NAALADL2: variants seen among roughly 807,000 people sequenced by gnomAD.
NAALADL2 encodes inactive N-acetylated-alpha-linked acidic dipeptidase-like protein 2.
NAALADL2 carries 76 observed loss-of-function variants against 87.2 expected under a neutral mutation model. That is an observed-to-expected ratio of 0.87 (90% CI 0.72 to 1.05). The LOEUF (loss-of-function observed/expected upper bound fraction) is 1.05, where lower values mean the gene tolerates loss of function less well. Ranked by LOEUF, NAALADL2 falls within the 50% of genes least tolerant of loss-of-function variation. The pLI is 0.00. For synonymous variants in NAALADL2, 354 were observed against 331.0 expected, an observed-to-expected ratio of 1.07 and a Z score of -0.75; for missense variants, 1,089 against 945.8, an observed-to-expected ratio of 1.15 and a Z score of -1.99.
At chr3:175,345,083 ACAAT>A (rs1370761672) in intron 5 of NAALADL2, among the ~76,000 whole-genome samples, 1 of 63,098 alleles carries the variant, frequency 1.6e-5, no homozygotes, top group Non-Finnish European at 3.2e-5. Flanking sequence ...ATCTTATTGT[ACAAT>A]CAAAGTAGGC....
intron 2 of NAALADL2, among the ~76,000 whole-genome samples, chr3:175,136,777 G>A (rs183622750): frequency 2.0e-5 from 3 of 152,256 alleles, no homozygotes; most frequent in East Asian, 3.9e-4. Context: ...ACTTTAAAGA[G>A]TCTAGTGTGA....
intron 2 of NAALADL2, among the ~76,000 whole-genome samples, chr3:174,580,493 T>C (rs898888940): frequency 6.6e-6 from 1 of 152,042 alleles, no homozygotes; most frequent in Non-Finnish European, 1.5e-5. Flanking sequence ...CATTTGAAAT[T>C]CTCACTAAAA....
intron 5 of NAALADL2, among the ~76,000 whole-genome samples, chr3:175,396,341 A>G (rs1434160978): frequency 6.6e-6 from 1 of 152,202 alleles, no homozygotes; most frequent in Non-Finnish European, 1.5e-5. Context: ...ATTAAAAATT[A>G]AAACCATATT....
chr3:175,094,525 C>T (rs749211226), intron 1 of NAALADL2, among the ~76,000 whole-genome samples: 30 of 152,012 alleles, frequency 2.0e-4, no homozygotes, highest in African/African-American at 6.0e-4. Flanking sequence ...CTATCATTAA[C>T]GTCATACGTT....
chr3:175,397,472 G>T (rs952729799), intron 5 of NAALADL2: 1 of 152,112 alleles, frequency 6.6e-6, no homozygotes, highest in Non-Finnish European at 1.5e-5. Flanking sequence ...GCACAATAAG[G>T]TCACAGCTTC....
chr3:174,941,535 G>A (rs1036375706), intron 1 of NAALADL2, among the ~76,000 whole-genome samples: 2 of 151,870 alleles, frequency 1.3e-5, no homozygotes, highest in Non-Finnish European at 2.9e-5. Context: ...TAGTGAGTTC[G>A]GGTCCTGAAT....
intron 1 of NAALADL2, among the ~76,000 whole-genome samples, chr3:174,887,778 A>C (rs1335470983): frequency 6.6e-6 from 1 of 152,038 alleles, no homozygotes; most frequent in Non-Finnish European, 1.5e-5. Flanking sequence ...CTTGGGCAAC[A>C]GAGCGATACC....
intron 11 of NAALADL2, among the ~76,000 whole-genome samples, chr3:175,712,725 C>G (rs1740698702): frequency 6.6e-6 from 1 of 152,034 alleles, no homozygotes; most frequent in African/African-American, 2.4e-5. Context: ...TCCATCAAGA[C>G]CTTGATTTTG....
chr3:174,892,844 C>T (rs1468077480), intron 1 of NAALADL2, among the ~76,000 whole-genome samples: 1 of 149,798 alleles, frequency 6.7e-6, no homozygotes, highest in Non-Finnish European at 1.5e-5. Context: ...CTCACTTGAA[C>T]CTGAGAGGTG....
intron 11 of NAALADL2, among the ~76,000 whole-genome samples, chr3:175,646,338 C>A (rs1729999106): frequency 6.6e-6 from 1 of 151,962 alleles, no homozygotes; most frequent in Non-Finnish European, 1.5e-5. Flanking sequence ...TATCATTACA[C>A]TTAACAGAAT....
intron 9 of NAALADL2, among the ~76,000 whole-genome samples, chr3:175,490,153 G>A (rs891252614): frequency 3.3e-5 from 5 of 152,120 alleles, no homozygotes; most frequent in African/African-American, 1.2e-4. Flanking sequence ...GGAAATAGGA[G>A]TTTTTCTGTT....
chr3:175,772,947 G>T (rs1453568055), intron 13 of NAALADL2, among the ~76,000 whole-genome samples: 3 of 152,082 alleles, frequency 2.0e-5, no homozygotes, highest in Non-Finnish European at 4.4e-5. Flanking sequence ...CTGCCAAAAA[G>T]GTGAAGAAAT....
At chr3:174,870,007 C>CAAA (rs71624295) in intron 1 of NAALADL2, among the ~76,000 whole-genome samples, 20 of 62,796 alleles carry the variant, frequency 3.2e-4, no homozygotes, top group African/African-American at 7.0e-4. Flanking sequence ...CCCCACCCGC[C>CAAA]AAAAAAAAAA....
intron 13 of NAALADL2, among the ~76,000 whole-genome samples, chr3:175,778,416 T>C (rs1393824588): frequency 6.6e-6 from 1 of 152,200 alleles, no homozygotes; most frequent in East Asian, 1.9e-4. Flanking sequence ...CAGTGTCCTA[T>C]AGAAGTGGTC....
intron 2 of NAALADL2, among the ~76,000 whole-genome samples, chr3:174,726,804 G>A (rs1578696913): frequency 6.6e-6 from 1 of 152,030 alleles, no homozygotes; most frequent in East Asian, 1.9e-4. Flanking sequence ...CACTTTTCCT[G>A]GCTGTGTTCA....
At chr3:175,500,442 A>G (rs1370790188) in intron 9 of NAALADL2, among the ~76,000 whole-genome samples, 1 of 152,010 alleles carries the variant, frequency 6.6e-6, no homozygotes, top group African/African-American at 2.4e-5. Flanking sequence ...CTTTGGGAGC[A>G]GAGAGGTTTG....
At chr3:175,322,787 G>C (rs1291586213) in intron 4 of NAALADL2, among the ~76,000 whole-genome samples, 1 of 147,776 alleles carries the variant, frequency 6.8e-6, no homozygotes, top group Non-Finnish European at 1.5e-5. Flanking sequence ...ACCACTATGA[G>C]ATACCATCTC....
At chr3:175,691,425 TTC>T (rs1373649995) in intron 11 of NAALADL2, among the ~76,000 whole-genome samples, 1 of 151,722 alleles carries the variant, frequency 6.6e-6, no homozygotes, top group East Asian at 1.9e-4. Context: ...CACAAAAAAT[TTC>T]TGTCTTTAGA....
intron 11 of NAALADL2, among the ~76,000 whole-genome samples, chr3:175,667,209 AAGAAAGAAAG>A (rs1582829169): frequency 8.2e-6 from 1 of 122,474 alleles, no homozygotes; most frequent in East Asian, 2.2e-4. Context: ...GAAAGAAAGA[AAGAAAGAAAG>A]AAAGAAAGAA....
Sources: gnomAD v4.1 joint callset for allele counts (sites outside exome capture counted in the v4.1 genomes callset) on GRCh38, gnomAD v4.1.1 for gene constraint, MANE v1.5 for transcripts, NCBI Gene and HGNC (gene_info 2026-07-23, HGNC 2026-07-21) for gene names.